The following AFF3 variants were observed in gnomAD, a reference collection of about 807,000 sequenced individuals.
AFF3 encodes the protein AF4/FMR2 family member 3.
Under a neutral mutation model 129.7 loss-of-function variants are expected in AFF3, and 32 were observed. The ratio of observed to expected loss-of-function variants is 0.25; its 90% CI spans 0.19 to 0.33. The LOEUF is 0.33. Ranked by LOEUF, AFF3 falls within the 10% of genes least tolerant of loss-of-function variation. The pLI is 1.00. For missense variants in AFF3, 1,373 were observed against 1,592.0 expected (o/e 0.86, Z 2.34); for synonymous variants, 644 against 635.4 (o/e 1.01, Z -0.20).
chr2:99,887,652 C>T (rs547629461), intron 7 of AFF3, among the ~76,000 whole-genome samples: 2 of 152,288 alleles, frequency 1.3e-5, no homozygotes, highest in East Asian at 3.9e-4. Flanking sequence ...CATAACACAA[C>T]ATTTGAAACA....
chr2:99,826,015 AT>A (rs58126893), intron 8 of AFF3, among the ~76,000 whole-genome samples: 24,911 of 151,744 alleles, frequency 0.16, 2,182 homozygotes, highest in Admixed American at 0.24. Flanking sequence ...CACTTAAAAA[AT>A]TTTTTTTTAA....
chr2:99,712,120 T>A (rs1677952465), intron 11 of AFF3, among the ~76,000 whole-genome samples: 1 of 152,186 alleles, frequency 6.6e-6, no homozygotes, highest in Non-Finnish European at 1.5e-5. Context: ...CCTTCTCCCA[T>A]GACATATATT....
chr2:99,789,771 A>G (rs1198910857), intron 8 of AFF3, among the ~76,000 whole-genome samples: 1 of 152,208 alleles, frequency 6.6e-6, no homozygotes, highest in Non-Finnish European at 1.5e-5. Flanking sequence ...TTACAGACCT[A>G]ACTGAGTCCT....
chr2:100,053,028 G>C (rs181742715), intron 4 of AFF3, among the ~76,000 whole-genome samples: 97 of 152,330 alleles, frequency 6.4e-4, no homozygotes, highest in South Asian at 2.1e-3. Context: ...GGGGGAAATT[G>C]ATCCTGAGAG....
chr2:100,075,665 G>A (rs140638354), intron 4 of AFF3, among the ~76,000 whole-genome samples: 1 of 152,098 alleles, frequency 6.6e-6, no homozygotes. Context: ...ACTATAATTA[G>A]GGAAAATCTC....
chr2:100,053,173 A>C (rs1427936873), intron 4 of AFF3, among the ~76,000 whole-genome samples: 1 of 152,206 alleles, frequency 6.6e-6, no homozygotes, highest in East Asian at 1.9e-4. Context: ...AGCAGTTGAA[A>C]AATTATGTTT....
At chr2:99,779,194 A>C (rs895054835) in intron 8 of AFF3, among the ~76,000 whole-genome samples, 2 of 152,030 alleles carry the variant, frequency 1.3e-5, no homozygotes, top group African/African-American at 4.8e-5. Flanking sequence ...TAGCTGGAGG[A>C]GGGCTGCCTC....
At chr2:100,107,186 G>C (rs1691341068) in intron 2 of AFF3, 2 of 985,224 alleles carry the variant, frequency 2.0e-6, no homozygotes, top group Non-Finnish European at 2.4e-6. Flanking sequence ...CCAAATAGTA[G>C]TTGCAGATCC....
chr2:100,107,331 GCCT>G, intron 2 of AFF3: 1 of 985,334 alleles, frequency 1.0e-6, no homozygotes, highest in Non-Finnish European at 1.2e-6. Context: ...TTATCCTCCA[GCCT>G]CTGGGTATGC....
rs1347613223 is a variant in AFF3 at position 99,559,629 on chromosome 2, G to A, written c.3192-661C>T. 2.6e-5 allele frequency among the ~76,000 whole-genome samples: 4 copies of A among 152,216 alleles called. No individual in the cohort carries two copies. In the South Asian group the frequency reaches 8.3e-4, roughly 32 times the overall value. ...TTAAAGTTTGAAAGGGGCACAAAAG[G>A]CGTTTCTGAGACTTATCCTCTCTTC... On this transcript the variant is annotated intron_variant, in intron 21 of 24. Coordinates refer to ENST00000672756, the MANE Select transcript of AFF3 (RefSeq NM_001386135.1).
intron 12 of AFF3, 108 bp downstream of exon 12, chr2:99,672,430 A>T: frequency 1.0e-6 from 1 of 1,000,022 alleles, no homozygotes; most frequent in South Asian, 1.5e-5. Flanking sequence ...ACAAAAGACC[A>T]GCAGCCTGGA....
At chr2:100,052,389 A>T (rs1405217523) in intron 4 of AFF3, among the ~76,000 whole-genome samples, 2 of 152,156 alleles carry the variant, frequency 1.3e-5, no homozygotes, top group Non-Finnish European at 2.9e-5. Flanking sequence ...CATCCCTTCC[A>T]CAACATGGAT....
At chr2:99,578,229 A>G in intron 18 of AFF3, 98 bp downstream of exon 18, 2 of 1,456,680 alleles carry the variant, frequency 1.4e-6, no homozygotes, top group Non-Finnish European at 1.8e-6. Context: ...GCCGCACTGT[A>G]GCTGAAGGTG....
At chr2:99,802,536 G>A (rs369071932) in intron 8 of AFF3, among the ~76,000 whole-genome samples, 8 of 152,180 alleles carry the variant, frequency 5.3e-5, no homozygotes, top group South Asian at 2.1e-4. Context: ...AGTGGTGTGC[G>A]CCTGTAGTCC....
intron 2 of AFF3, chr2:100,110,107 G>T (rs1691464979): frequency 6.6e-6 from 1 of 152,218 alleles, no homozygotes; most frequent in Admixed American, 6.5e-5. Context: ...TGCAACATGA[G>T]AAGGCTGGAT....
chr2:100,024,854 T>C (rs948072318), intron 4 of AFF3, among the ~76,000 whole-genome samples: 4 of 152,130 alleles, frequency 2.6e-5, no homozygotes, highest in Admixed American at 6.5e-5. Flanking sequence ...ATAAAATGTG[T>C]GTGCATTTAT....
At chr2:99,988,222 C>T (rs951912607) in intron 7 of AFF3, among the ~76,000 whole-genome samples, 2 of 152,092 alleles carry the variant, frequency 1.3e-5, no homozygotes, top group African/African-American at 4.8e-5. Context: ...CAACTCATTC[C>T]ATGAGGAGTA....
rs1373129722 is a variant in AFF3 at position 99,837,510 on chromosome 2, T to C, written c.888A>G (p.Gly296=). Residue 296 remains glycine, a synonymous_variant, in exon 8 of 25, where the codon GGA becomes GGG. Transcript: ENST00000672756. ...TTTCTTCAACACAGCTGTTGGTTTC[T>C]CCAGATCTACTCTCCTGAAAGCAAA... ...IPKQGEESRS[G]ETNSCVEEII... is the part of the protein sequence containing the mutation. 4 of 1,613,534 alleles carry C rather than the reference T, an allele frequency of 2.5e-6. No homozygotes were observed. The highest frequency in any genetic ancestry group is 3.4e-6 in the Non-Finnish European group (4 of 1,179,882).
chr2:99,752,175 C>G, intron 9 of AFF3, 46 bp downstream of exon 9: 2 of 1,515,168 alleles, frequency 1.3e-6, no homozygotes, highest in Non-Finnish European at 1.8e-6. Flanking sequence ...ACTAGAAATG[C>G]CTGCATGAGT....
Sources: allele counts gnomAD v4.1 joint callset (sites outside exome capture counted in the v4.1 genomes callset), GRCh38; gene constraint gnomAD v4.1.1; transcripts MANE v1.5; gene names NCBI Gene and HGNC (gene_info 2026-07-23, HGNC 2026-07-21).